The following PPP2R3A variants were observed in gnomAD, a reference collection of about 807,000 sequenced individuals.
PPP2R3A encodes the protein serine/threonine-protein phosphatase 2A regulatory subunit B'' subunit alpha.
In PPP2R3A, 80 loss-of-function variants were observed where a neutral mutation model predicts 106.9. That is an observed-to-expected ratio of 0.75 (90% CI 0.62 to 0.90). PPP2R3A has a LOEUF of 0.90. Ranked by LOEUF, PPP2R3A falls within the 40% of genes least tolerant of loss-of-function variation. The pLI, the probability that PPP2R3A is intolerant of heterozygous loss-of-function variation, is 0.00. For synonymous variants in PPP2R3A, 483 were observed against 468.3 expected (o/e 1.03, Z -0.41); for missense variants, 1,386 against 1,350.4 (o/e 1.03, Z -0.41).
At chr3:135,983,885 C>T (rs1305378710) in intron 1 of PPP2R3A, among the ~76,000 whole-genome samples, 1 of 152,332 alleles carries the variant, frequency 6.6e-6, no homozygotes, top group South Asian at 2.1e-4. Flanking sequence ...AGAGAGGTAG[C>T]ACTTAACATT....
intron 1 of PPP2R3A, among the ~76,000 whole-genome samples, chr3:135,985,399 C>T (rs113380916): frequency 6.4e-5 from 8 of 125,730 alleles, no homozygotes; most frequent in South Asian, 5.3e-4. Flanking sequence ...TCCCTCTCTC[C>T]CTCTCTCTCT....
At position 136,027,115 on chromosome 3, in the gene PPP2R3A, A is replaced by G; in HGVS notation, c.2262+17A>G. On this transcript the variant is annotated intron_variant, in intron 3 of 13. Coordinates refer to ENST00000264977, the MANE Select transcript of PPP2R3A (RefSeq NM_002718.5). ...ATTGCAAAGGTAATGTAACTACTAA[A>G]TGATTTACAATCTCCCCTTCTTTAG... 1 of 1,595,868 alleles carries G rather than the reference A, an allele frequency of 6.3e-7. No homozygotes were observed. The highest frequency in any genetic ancestry group is 1.1e-5 in the South Asian group (1 of 88,834).
chr3:135,986,429 A>C (rs1402712617), intron 1 of PPP2R3A, among the ~76,000 whole-genome samples: 1 of 152,126 alleles, frequency 6.6e-6, no homozygotes, highest in Non-Finnish European at 1.5e-5. Context: ...TGCCTATTCT[A>C]TGCCTGTAAA....
chr3:135,987,324 C>T (rs1258394760), intron 1 of PPP2R3A, among the ~76,000 whole-genome samples: 1 of 152,110 alleles, frequency 6.6e-6, no homozygotes, highest in African/African-American at 2.4e-5. Flanking sequence ...TTCCTGATCC[C>T]AAGTTCTCCT....
chr3:136,067,868 T>C (rs1409713372), intron 5 of PPP2R3A, among the ~76,000 whole-genome samples: 1 of 152,056 alleles, frequency 6.6e-6, no homozygotes, highest in Non-Finnish European at 1.5e-5. Flanking sequence ...GCAAGGAAAA[T>C]ACAAGATAAA....
At chr3:135,974,155 TG>T (rs1937327560) in intron 1 of PPP2R3A, among the ~76,000 whole-genome samples, 1 of 152,208 alleles carries the variant, frequency 6.6e-6, no homozygotes, top group African/African-American at 2.4e-5. Flanking sequence ...CTCACCTTAT[TG>T]GAGGTTTAGT....
chr3:136,014,576 G>GT (rs1386391261), intron 2 of PPP2R3A, among the ~76,000 whole-genome samples: 2 of 151,700 alleles, frequency 1.3e-5, no homozygotes, highest in South Asian at 2.1e-4. Flanking sequence ...TATTTATTTT[G>GT]TTTTTTTACA....
In PPP2R3A at chr3:136,102,296, T is replaced by C. The variant is rs1937397449; in HGVS notation, c.3103+114T>C. ...TTCAGAGTCTTGATAGAAGACTTCC[T>C]AGGACAGAAGTGTTTAAAGTTTCTC... On this transcript the variant is annotated intron_variant, in intron 11 of 13. Coordinates refer to ENST00000264977, the MANE Select transcript of PPP2R3A (RefSeq NM_002718.5). The C allele has an allele frequency of 1.2e-5, 14 of 1,143,582 alleles. No homozygotes were observed. In the South Asian group the frequency reaches 2.3e-4, roughly 19 times the overall value. The allele number at this position is 1,143,582 out of a possible 1,614,324, so 70.8% of individuals were successfully genotyped here. A position where few individuals can be genotyped will look rare whatever the true frequency, so the allele number is the denominator to read the frequency against.
chr3:136,001,864 GAAAAT>G lies in PPP2R3A; in HGVS notation c.371_375del (p.Ile124ArgfsTer5). 1 of 1,614,032 alleles carries G rather than the reference GAAAAT, an allele frequency of 6.2e-7. No individual in the cohort carries two copies. The highest frequency in any genetic ancestry group is 8.5e-7 in the Non-Finnish European group (1 of 1,180,012). ...GAGAAGCAATCAGTTTTGCCAGTGG[GAAAAT>G]AAAAGAATTTTCCTTTGAAAAACTC... On this transcript the variant is annotated frameshift_variant, in exon 2 of 14. Coordinates refer to ENST00000264977, the MANE Select transcript of PPP2R3A (RefSeq NM_002718.5). LOFTEE classifies it high-confidence loss of function.
intron 13 of PPP2R3A, among the ~76,000 whole-genome samples, chr3:136,112,667 G>A (rs1937612426): frequency 6.6e-6 from 1 of 152,272 alleles, no homozygotes; most frequent in Non-Finnish European, 1.5e-5. Context: ...CTATGCTCAT[G>A]GATAGCAAGA....
intron 3 of PPP2R3A, among the ~76,000 whole-genome samples, chr3:136,030,778 A>ATATATATATATATATATATATGTATG (rs1206335696): frequency 2.8e-4 from 31 of 111,288 alleles, no homozygotes; most frequent in Non-Finnish European, 4.3e-4. Flanking sequence ...ATATATATAT[A>ATATATATATATATATATATATGTATG]TATGTATGTA....
rs557811370 is a variant in PPP2R3A, at chr3:135,991,452, G to T, written c.-440-9607G>T. 6.6e-5 allele frequency among the ~76,000 whole-genome samples: 10 copies of T among 152,226 alleles called. No individual in the cohort carries two copies. The East Asian group carries it at 1.9e-3, about 29-fold the overall frequency. ...GTGATATTTTGGAGTATATAATAAA[G>T]AATTTTTTAAAATTAGAAAATGGTA... On this transcript the variant is annotated intron_variant, in intron 1 of 13. Coordinates refer to ENST00000264977, the MANE Select transcript of PPP2R3A (RefSeq NM_002718.5).
At chr3:135,970,974 A>T (rs1466420185) in intron 1 of PPP2R3A, among the ~76,000 whole-genome samples, 2 of 152,184 alleles carry the variant, frequency 1.3e-5, no homozygotes, top group East Asian at 3.9e-4. Context: ...CCTAAAGGCC[A>T]GTGGTGATCT....
At chr3:136,125,947 G>C (rs1227792862) in intron 13 of PPP2R3A, among the ~76,000 whole-genome samples, 1 of 152,158 alleles carries the variant, frequency 6.6e-6, no homozygotes, top group Non-Finnish European at 1.5e-5. Context: ...GGATAGAGGG[G>C]AAGTTGCTAA....
intron 5 of PPP2R3A, among the ~76,000 whole-genome samples, chr3:136,057,210 A>G (rs1935899184): frequency 6.6e-6 from 1 of 152,174 alleles, no homozygotes; most frequent in Non-Finnish European, 1.5e-5. Context: ...GGAAATAAGT[A>G]TATCTGCACT....
intron 1 of PPP2R3A, among the ~76,000 whole-genome samples, chr3:135,978,919 A>G (rs1439751698): frequency 6.6e-6 from 1 of 151,880 alleles, no homozygotes; most frequent in Admixed American, 6.5e-5. Flanking sequence ...TTTTCCTTAA[A>G]TATTATCAGT....
chr3:136,113,894 GA>G (rs1937642892), intron 13 of PPP2R3A, among the ~76,000 whole-genome samples: 1 of 152,064 alleles, frequency 6.6e-6, no homozygotes, highest in Non-Finnish European at 1.5e-5. Context: ...AAGATTTCAT[GA>G]TGAAGTCTCC....
At chr3:135,976,704 G>A (rs1937430678) in intron 1 of PPP2R3A, among the ~76,000 whole-genome samples, 1 of 151,916 alleles carries the variant, frequency 6.6e-6, no homozygotes, top group Admixed American at 6.6e-5. Context: ...AATTTTGATG[G>A]CAAATTTCCC....
chr3:136,113,957 G>C (rs1937644183), intron 13 of PPP2R3A, among the ~76,000 whole-genome samples: 1 of 152,150 alleles, frequency 6.6e-6, no homozygotes. Flanking sequence ...TAATTAAAGA[G>C]CTTCTGGAAT....
Sources: gnomAD v4.1 joint callset for allele counts (sites outside exome capture counted in the v4.1 genomes callset) on GRCh38, gnomAD v4.1.1 for gene constraint, MANE v1.5 for transcripts, NCBI Gene and HGNC (gene_info 2026-07-23, HGNC 2026-07-21) for gene names.